AP3B1: variants seen among roughly 807,000 people sequenced by gnomAD.
AP3B1 encodes adaptor related protein complex 3 subunit beta 1.
AP3B1 carries 61 observed loss-of-function variants against 132.5 expected under a neutral mutation model. The observed-to-expected ratio is 0.46, with a 90% confidence interval of 0.37 to 0.57. AP3B1 has a LOEUF of 0.57. Ranked by LOEUF, AP3B1 falls within the 20% of genes least tolerant of loss-of-function variation. The pLI is 0.00. For missense variants in AP3B1, 1,120 were observed against 1,289.4 expected, an observed-to-expected ratio of 0.87 and a Z score of 2.01; for synonymous variants, 388 against 438.3, an observed-to-expected ratio of 0.89 and a Z score of 1.43.
At chr5:78,292,728 A>G (rs1749583143) in intron 1 of AP3B1, among the ~76,000 whole-genome samples, 1 of 152,162 alleles carries the variant, frequency 6.6e-6, no homozygotes, top group Admixed American at 6.5e-5. Flanking sequence ...GGTTATTTGC[A>G]TATATTACAT....
At chr5:78,234,000 G>A (rs997013390) in intron 3 of AP3B1, among the ~76,000 whole-genome samples, 1 of 151,990 alleles carries the variant, frequency 6.6e-6, no homozygotes, top group Non-Finnish European at 1.5e-5. Context: ...ATTTATAAAA[G>A]AAGAATGCTT....
intron 6 of AP3B1, among the ~76,000 whole-genome samples, chr5:78,217,750 A>G (rs1449553408): frequency 1.3e-5 from 2 of 152,086 alleles, no homozygotes; most frequent in Non-Finnish European, 2.9e-5. Context: ...TATCAACCTT[A>G]TATTAATATC....
At chr5:78,068,801 A>C (rs1266272155) in intron 22 of AP3B1, among the ~76,000 whole-genome samples, 3 of 152,158 alleles carry the variant, frequency 2.0e-5, no homozygotes, top group Admixed American at 6.5e-5. Flanking sequence ...TAACAACAAA[A>C]AAAAAAGCAA....
At chr5:78,251,023 A>C (rs1233883039) in intron 2 of AP3B1, among the ~76,000 whole-genome samples, 1 of 152,212 alleles carries the variant, frequency 6.6e-6, no homozygotes, top group East Asian at 1.9e-4. Flanking sequence ...GAAGGCTAAG[A>C]GAGAACTGGC....
chr5:78,080,623 A>ATTTTTTT (rs66609184), intron 22 of AP3B1, among the ~76,000 whole-genome samples: 3 of 103,546 alleles, frequency 2.9e-5, no homozygotes, highest in Non-Finnish European at 3.8e-5. Flanking sequence ...TATGCCTCCA[A>ATTTTTTT]TTTTTTTTTT....
In AP3B1 at chr5:78,040,551, C is replaced by G. The variant is rs76742498; in HGVS notation, c.2578-1277G>C. 9.2e-3 allele frequency among the ~76,000 whole-genome samples: 1,403 copies of G among 152,168 alleles called. 20 individuals carry two copies. Among genetic ancestry groups the G allele is most frequent in the African/African-American group, 0.032 (1,331 of 41,532 alleles). On this transcript the variant is annotated intron_variant, in intron 22 of 26. Transcript: ENST00000255194. Reference sequence around the variant, plus strand: ...TAAATTCTTCCCTCAATCTCATTTTCATTGAAATCATAGGCAGCATATTAA... The same window carrying G: ...TAAATTCTTCCCTCAATCTCATTTTGATTGAAATCATAGGCAGCATATTAA...
chr5:78,091,381 G>C (rs1285488798), intron 21 of AP3B1, among the ~76,000 whole-genome samples: 1 of 151,246 alleles, frequency 6.6e-6, no homozygotes, highest in Non-Finnish European at 1.5e-5. Flanking sequence ...ATATAATAGA[G>C]AAAGCAGCCT....
intron 8 of AP3B1, among the ~76,000 whole-genome samples, chr5:78,178,715 G>A (rs1037985413): frequency 6.6e-6 from 1 of 152,154 alleles, no homozygotes; most frequent in African/African-American, 2.4e-5. Context: ...CAGATTCAGA[G>A]TGACAACTGC....
At chr5:78,230,864 T>TC (rs1456901714) in intron 3 of AP3B1, among the ~76,000 whole-genome samples, 1 of 152,170 alleles carries the variant, frequency 6.6e-6, no homozygotes, top group East Asian at 1.9e-4. Context: ...ACACCTGTAA[T>TC]CCCAGCACTT....
chr5:78,001,759 G>T (rs1206880705), downstream of AP3B1: 1 of 152,114 alleles, frequency 6.6e-6, no homozygotes, highest in African/African-American at 2.4e-5. Flanking sequence ...TATACAAAAA[G>T]AACTGAGTAG....
chr5:78,035,818 C>T (rs141493722), intron 23 of AP3B1, among the ~76,000 whole-genome samples: 15 of 152,084 alleles, frequency 9.9e-5, no homozygotes, highest in Admixed American at 1.3e-4. Flanking sequence ...CTCTAGCAAA[C>T]AGGCTTTACT....
At chr5:78,232,865 C>G (rs1314010106) in intron 3 of AP3B1, among the ~76,000 whole-genome samples, 1 of 152,108 alleles carries the variant, frequency 6.6e-6, no homozygotes, top group African/African-American at 2.4e-5. Context: ...CACCACCACG[C>G]CCAGCTAATT....
At chr5:78,165,804 C>T in intron 11 of AP3B1, 132 bp from the exon 12 acceptor site, 1 of 739,350 alleles carries the variant, frequency 1.4e-6, no homozygotes, top group South Asian at 1.5e-5. Flanking sequence ...CACAGTGGCT[C>T]ATGCCTGTAA....
At position 78,181,595 on chromosome 5, in the gene AP3B1, T is replaced by C. The variant is rs554863664; in HGVS notation, c.854A>G (p.Asp285Gly). 2.0e-5 allele frequency: 33 copies of C among 1,612,594 alleles called. No homozygotes were observed. The highest frequency in any genetic ancestry group is 1.0e-4 in the Admixed American group (6 of 59,906). ...CATAGTATACGGCTTCTTCTTTTTG[T>C]CAGTCTTTTCCTTCTGATCATCATC... Reference protein sequence around the residue: ...ESDDDQKEKTDKKKKPYTMDP... With the variant: ...ESDDDQKEKTGKKKKPYTMDP... Residue 285 changes from aspartate to glycine, a missense_variant, in exon 8 of 27, where the codon GAC (aspartate) becomes GGC (glycine). Physicochemically the swap from Asp to Gly is moderately conservative, Grantham distance 94. Around this residue, in one of 3 missense-constraint regions of AP3B1, gnomAD observed 906 missense variants for 997.1 expected, o/e 0.91. Coordinates refer to ENST00000255194, the MANE Select transcript of AP3B1 (RefSeq NM_003664.5).
chr5:78,262,587 T>C lies in AP3B1; in HGVS notation c.204+4933A>G, dbSNP rs115325612. Among the ~76,000 whole-genome samples, 121 of 152,352 alleles carry C rather than the reference T, an allele frequency of 7.9e-4. 2 individuals are homozygous for C. The South Asian group carries it at 0.024, about 30-fold the overall frequency. On this transcript the variant is annotated intron_variant, in intron 2 of 26. Transcript: ENST00000255194. Reference sequence around the variant, plus strand: ...CTCCCTATTGTGTTCCATTGGTCTATACGTTGTCCGTCTTTATTCCAGTAC... The same window carrying C: ...CTCCCTATTGTGTTCCATTGGTCTACACGTTGTCCGTCTTTATTCCAGTAC...
intron 7 of AP3B1, among the ~76,000 whole-genome samples, chr5:78,191,620 T>C (rs1251236540): frequency 1.3e-5 from 2 of 152,024 alleles, no homozygotes; most frequent in Non-Finnish European, 2.9e-5. Context: ...GAACTCAAGA[T>C]TGTTGAATCC....
chr5:78,240,928 T>G lies in AP3B1; in HGVS notation c.213A>C (p.Ala71=). The change falls in exon 3 of 27, where the codon GCA becomes GCC. Residue 71 remains alanine, a synonymous_variant. Coordinates refer to ENST00000255194, the MANE Select transcript of AP3B1 (RefSeq NM_003664.5). ...DAMKRIVGMI[A]KGKNASELFP... Reference sequence around the variant, plus strand: ...ACAGTTCAGATGCATTTTTCCCTTTTGCAATCATCTGAAGAATAAACAAAA... The same window carrying G: ...ACAGTTCAGATGCATTTTTCCCTTTGGCAATCATCTGAAGAATAAACAAAA... The G allele has an allele frequency of 6.2e-7, 1 of 1,611,452 alleles. No homozygotes were observed. Among genetic ancestry groups the G allele is most frequent in the Non-Finnish European group, 8.5e-7 (1 of 1,177,836 alleles).
intron 24 of AP3B1, among the ~76,000 whole-genome samples, chr5:78,022,074 C>T (rs748153019): frequency 2.5e-4 from 38 of 152,042 alleles, no homozygotes; most frequent in Non-Finnish European, 4.1e-4. Flanking sequence ...AACATAAAAT[C>T]GACTTTTATT....
intron 21 of AP3B1, among the ~76,000 whole-genome samples, chr5:78,100,497 G>A (rs2112232484): frequency 6.6e-6 from 1 of 152,236 alleles, no homozygotes; most frequent in South Asian, 2.1e-4. Flanking sequence ...AGCCAAACTG[G>A]CCTCCAAAGG....
Sources: gnomAD v4.1 joint callset for allele counts (sites outside exome capture counted in the v4.1 genomes callset) on GRCh38, gnomAD v4.1.1 for gene constraint, gnomAD v4.1.1 regional missense constraint, MANE v1.5 for transcripts, NCBI Gene and HGNC (gene_info 2026-07-23, HGNC 2026-07-21) for gene names.